The following PCDH9 variants were observed in gnomAD, a reference collection of about 807,000 sequenced individuals.
The protein encoded by PCDH9 is protocadherin-9.
In PCDH9, 24 loss-of-function variants were observed where a neutral mutation model predicts 70.6. The ratio of observed to expected loss-of-function variants is 0.34; its 90% CI spans 0.25 to 0.48. The LOEUF is 0.48. Ranked by LOEUF, PCDH9 falls within the 20% of genes least tolerant of loss-of-function variation. The probability of loss-of-function intolerance (pLI) is 0.99; values close to 1 mark genes in which losing one functional copy is unlikely to be tolerated. For synonymous variants in PCDH9, 562 were observed against 558.5 expected (o/e 1.01, Z -0.09); for missense variants, 1,281 against 1,503.6 (o/e 0.85, Z 2.45).
intron 3 of PCDH9, among the ~76,000 whole-genome samples, chr13:66,830,450 T>A (rs2080905873): frequency 6.6e-6 from 1 of 152,162 alleles, no homozygotes. Flanking sequence ...AATAAATATA[T>A]TCTAATTAAA....
chr13:66,596,651 G>A (rs971109701), intron 4 of PCDH9, among the ~76,000 whole-genome samples: 17 of 151,516 alleles, frequency 1.1e-4, no homozygotes, highest in African/African-American at 4.1e-4. Context: ...TCTATCACTG[G>A]ATCATTGTTT....
intron 4 of PCDH9, among the ~76,000 whole-genome samples, chr13:66,308,520 A>T (rs1382657648): frequency 6.6e-6 from 1 of 152,074 alleles, no homozygotes; most frequent in Non-Finnish European, 1.5e-5. Context: ...TCTACATGAA[A>T]GGCAGAATTT....
chr13:66,550,396 T>C (rs1370027327), intron 4 of PCDH9, among the ~76,000 whole-genome samples: 1 of 152,112 alleles, frequency 6.6e-6, no homozygotes, highest in East Asian at 1.9e-4. Flanking sequence ...TTCCCTAATA[T>C]CTCTTCCCAA....
At chr13:67,008,877 C>G (rs1202730376) in intron 2 of PCDH9, among the ~76,000 whole-genome samples, 1 of 151,980 alleles carries the variant, frequency 6.6e-6, no homozygotes, top group Non-Finnish European at 1.5e-5. Flanking sequence ...TGGAGTATAT[C>G]CTGAACTTAC....
intron 2 of PCDH9, among the ~76,000 whole-genome samples, chr13:67,043,509 T>C (rs1432511319): frequency 6.6e-6 from 1 of 152,084 alleles, no homozygotes; most frequent in Admixed American, 6.5e-5. Context: ...GGATAAAATA[T>C]ATAGGAAGTA....
At position 67,227,478 on chromosome 13, in the gene PCDH9, C is replaced by G; in HGVS notation, c.963G>C (p.Glu321Asp). Residue 321 changes from glutamate (E) to aspartate (D), a missense_variant, in exon 2 of 5, where the codon GAG becomes GAC. Physicochemically the swap from Glu to Asp is conservative, Grantham distance 45. Around this residue, in one of 4 missense-constraint regions of PCDH9, gnomAD observed 798 missense variants for 1,003.1 expected, o/e 0.80. Transcript: ENST00000377865. This position sits in a 1 kb window ranked among gnomAD's most constrained non-coding sequence, Gnocchi z 4.6. The stretch of plus-strand genomic sequence containing the variant: ...CTGTCACTTTGTGAATGGCTGTCTC[C>G]TCTCTATCTAAGGACCTCTGAACTG... Reference protein sequence around the residue: ...LITVQRSLDREETAIHKVTVL... With the variant: ...LITVQRSLDRDETAIHKVTVL... 6.2e-7 allele frequency: 1 copy of G among 1,613,904 alleles called. No homozygotes were observed. Among genetic ancestry groups the G allele is most frequent in the Non-Finnish European group, 8.5e-7 (1 of 1,179,868 alleles).
chr13:67,121,078 C>T (rs979537596), intron 2 of PCDH9, among the ~76,000 whole-genome samples: 1 of 152,104 alleles, frequency 6.6e-6, no homozygotes, highest in African/African-American at 2.4e-5. Context: ...GACAAAGTCA[C>T]GCAAATGACT....
chr13:66,429,030 A>AAAGAAAG, intron 4 of PCDH9, among the ~76,000 whole-genome samples: 1 of 151,844 alleles, frequency 6.6e-6, no homozygotes, highest in East Asian at 1.9e-4. Context: ...TTTCATTGTA[A>AAAGAAAG]TATGCATGTG....
chr13:66,620,085 A>G (rs1227611032), intron 4 of PCDH9, among the ~76,000 whole-genome samples: 1 of 152,156 alleles, frequency 6.6e-6, no homozygotes, highest in Non-Finnish European at 1.5e-5. Context: ...GCAATTTTCC[A>G]TAAATCTTGC....
At chr13:67,073,329 C>A (rs1183836875) in intron 2 of PCDH9, among the ~76,000 whole-genome samples, 2 of 151,822 alleles carry the variant, frequency 1.3e-5, no homozygotes, top group African/African-American at 4.8e-5. Flanking sequence ...AATAAATTTT[C>A]AATAATATTA....
intron 2 of PCDH9, among the ~76,000 whole-genome samples, chr13:67,016,895 A>G (rs1237543466): frequency 6.6e-6 from 1 of 152,164 alleles, no homozygotes; most frequent in Non-Finnish European, 1.5e-5. Flanking sequence ...TTTTTCAATA[A>G]TAGCACCTAC....
intron 4 of PCDH9, among the ~76,000 whole-genome samples, chr13:66,412,857 T>C (rs2138327409): frequency 6.6e-6 from 1 of 152,208 alleles, no homozygotes; most frequent in Admixed American, 6.5e-5. Context: ...ATGTGGAAAA[T>C]TGCCCTAGAT....
intron 4 of PCDH9, among the ~76,000 whole-genome samples, chr13:66,611,869 T>C (rs2077297332): frequency 1.3e-5 from 2 of 152,186 alleles, no homozygotes; most frequent in African/African-American, 2.4e-5. Context: ...TGTTAACCCA[T>C]TGCAATCTGT....
At chr13:66,591,482 A>T (rs920079699) in intron 4 of PCDH9, among the ~76,000 whole-genome samples, 7 of 151,628 alleles carry the variant, frequency 4.6e-5, no homozygotes, top group African/African-American at 1.7e-4. Flanking sequence ...ACAAAAAAAA[A>T]AGCTAAGAGC....
intron 3 of PCDH9, among the ~76,000 whole-genome samples, chr13:66,884,970 T>C (rs1205000412): frequency 1.3e-5 from 2 of 152,194 alleles, no homozygotes; most frequent in East Asian, 1.9e-4. Flanking sequence ...GTTTACAAAT[T>C]CATATCAGCA....
At chr13:66,664,654 C>A (rs2078067962) in intron 3 of PCDH9, among the ~76,000 whole-genome samples, 1 of 152,080 alleles carries the variant, frequency 6.6e-6, no homozygotes, top group Non-Finnish European at 1.5e-5. Flanking sequence ...TGACTTATTT[C>A]TCCTTTAAAC....
chr13:66,871,467 T>G (rs2139509611), intron 3 of PCDH9, among the ~76,000 whole-genome samples: 1 of 152,114 alleles, frequency 6.6e-6, no homozygotes, highest in East Asian at 1.9e-4. Flanking sequence ...ACGATACTCT[T>G]AAATTCCTCT....
intron 4 of PCDH9, among the ~76,000 whole-genome samples, chr13:66,625,636 C>A (rs983932492): frequency 1.4e-5 from 2 of 147,622 alleles, no homozygotes; most frequent in South Asian, 4.4e-4. Flanking sequence ...TTTGCCTACT[C>A]CACTTTTGGC....
At chr13:66,460,093 A>G (rs1477941469) in intron 4 of PCDH9, among the ~76,000 whole-genome samples, 1 of 151,856 alleles carries the variant, frequency 6.6e-6, no homozygotes, top group Non-Finnish European at 1.5e-5. Flanking sequence ...CTTAAATTTT[A>G]CATGCTTTGT....
Sources: allele counts gnomAD v4.1 joint callset (sites outside exome capture counted in the v4.1 genomes callset), GRCh38; gene constraint gnomAD v4.1.1; regional missense constraint gnomAD v4.1.1; non-coding constraint Gnocchi (gnomAD v3.1); transcripts MANE v1.5; gene names NCBI Gene and HGNC (gene_info 2026-07-23, HGNC 2026-07-21).